CD38: variants seen among roughly 807,000 people sequenced by gnomAD.
The protein encoded by CD38 is CD38 molecule.
In CD38, 31 loss-of-function variants were observed where a neutral mutation model predicts 36.3. The ratio of observed to expected loss-of-function variants is 0.85; its 90% CI spans 0.64 to 1.15. The LOEUF is 1.15. Among genes scored for constraint, CD38 ranks in the 50% most tolerant of loss-of-function variants. The pLI, the probability that CD38 is intolerant of heterozygous loss-of-function variation, is 0.00. For missense variants in CD38, 380 were observed against 371.9 expected (o/e 1.02, Z -0.18); for synonymous variants, 131 against 135.2 (o/e 0.97, Z 0.22).
At chr4:15,816,849 G>A in intron 2 of CD38, 1 of 547,930 alleles carries the variant, frequency 1.8e-6, no homozygotes. Flanking sequence ...CTAAGAGAGA[G>A]AAATAGGGAT....
chr4:15,786,859 A>G (rs1253593876), intron 1 of CD38, among the ~76,000 whole-genome samples: 1 of 152,184 alleles, frequency 6.6e-6, no homozygotes, highest in African/African-American at 2.4e-5. Context: ...ATGGTGGGCT[A>G]CAGGTCCCAA....
chr4:15,831,286 T>A (rs1212346929), intron 3 of CD38, among the ~76,000 whole-genome samples: 1 of 152,218 alleles, frequency 6.6e-6, no homozygotes, highest in Non-Finnish European at 1.5e-5. Context: ...TCATTTAGTT[T>A]TTCTACTTAA....
chr4:15,840,690 C>T, intron 7 of CD38, 152 bp downstream of exon 7: 1 of 589,436 alleles, frequency 1.7e-6, no homozygotes, highest in Non-Finnish European at 3.0e-6. Context: ...GATCTCTGTC[C>T]CTCCTTCCAA....
intron 3 of CD38, chr4:15,826,066 T>C (rs1723837935): frequency 6.6e-6 from 1 of 152,142 alleles, no homozygotes; most frequent in African/African-American, 2.4e-5. Context: ...TATAGCTTCT[T>C]TGTCCCAGGT....
At chr4:15,797,828 A>T (rs1723133192) in intron 1 of CD38, among the ~76,000 whole-genome samples, 1 of 151,934 alleles carries the variant, frequency 6.6e-6, no homozygotes, top group Non-Finnish European at 1.5e-5. Context: ...TCCCCTTTTC[A>T]TAAGGACCCA....
chr4:15,821,511 A>C lies in CD38; in HGVS notation c.364-3370A>C, dbSNP rs180846802. ...ATAAAATGATAAAGGGGATATCACC[A>C]CAGAAATACAAACAACCATCAGAGA... On this transcript the variant is annotated intron_variant, in intron 2 of 7. Coordinates refer to ENST00000226279, the MANE Select transcript of CD38 (RefSeq NM_001775.4). Among the ~76,000 whole-genome samples, 75 of 152,244 alleles carry C rather than the reference A, an allele frequency of 4.9e-4. 1 individual carries two copies.
At chr4:15,837,223 G>A (rs912589775) in intron 4 of CD38, among the ~76,000 whole-genome samples, 7 of 152,340 alleles carry the variant, frequency 4.6e-5, no homozygotes, top group Admixed American at 2.6e-4. Flanking sequence ...GCACGTGATT[G>A]AAGGCGTCCT....
intron 1 of CD38, among the ~76,000 whole-genome samples, chr4:15,792,445 AGG>A (rs1429386803): frequency 6.0e-5 from 9 of 148,808 alleles, no homozygotes; most frequent in Middle Eastern, 3.4e-3. Flanking sequence ...AATAAAAAAA[AGG>A]AATGAATCAA....
rs771230199 is a variant in CD38 at position 15,834,268 on chromosome 4, C to G, written c.551C>G (p.Pro184Arg). The G allele has an allele frequency of 8.7e-6, 14 of 1,613,102 alleles. No individual in the cohort carries two copies. The South Asian group carries it at 1.5e-4, about 18-fold the overall frequency. ...PDWRKDCSNN[P>R]VSVFWKTVSR... ...TGGAGAAAGGACTGCAGCAACAACCCTGTTTCAGTATTCTGGAAAACGGTT... is the reference window on the plus strand; with the variant it reads ...TGGAGAAAGGACTGCAGCAACAACCGTGTTTCAGTATTCTGGAAAACGGTT... Residue 184 changes from proline (P) to arginine (R), a missense_variant, in exon 4 of 8, where the codon CCT becomes CGT. By Grantham distance (103) the Pro-to-Arg change is moderately radical. Coordinates refer to ENST00000226279, the MANE Select transcript of CD38 (RefSeq NM_001775.4).
chr4:15,848,659 A>C lies in CD38; in HGVS notation c.*57A>C, dbSNP rs1019608887. ...CTCCTTGTGGTTTATGTCATCATAC[A>C]TGACTCAGCATACCTGCTGGTGCAG... On this transcript the variant is annotated 3_prime_UTR_variant, in exon 8 of 8. Coordinates refer to ENST00000226279, the MANE Select transcript of CD38 (RefSeq NM_001775.4). 6.4e-5 allele frequency: 89 copies of C among 1,383,712 alleles called. No homozygotes were observed. The highest frequency in any genetic ancestry group is 9.0e-5 in the Non-Finnish European group (87 of 971,650). The allele number at this position is 1,383,712 out of a possible 1,614,324, so 85.7% of individuals were successfully genotyped here. A position where few individuals can be genotyped will look rare whatever the true frequency, so the allele number is the denominator to read the frequency against.
At chr4:15,817,005 A>G (rs1250328985) in intron 2 of CD38, among the ~76,000 whole-genome samples, 9 of 152,238 alleles carry the variant, frequency 5.9e-5, no homozygotes, top group Non-Finnish European at 1.5e-5. Context: ...TAGTAGTAAT[A>G]ACAGCAATGC....
chr4:15,786,437 T>C (rs1038271612), intron 1 of CD38, among the ~76,000 whole-genome samples: 2 of 152,216 alleles, frequency 1.3e-5, no homozygotes, highest in African/African-American at 4.8e-5. Context: ...TGCTGATTGG[T>C]GTATTTACAA....
intron 1 of CD38, 60 bp from the exon 2 acceptor site, chr4:15,816,451 G>A: frequency 7.2e-7 from 1 of 1,389,078 alleles, no homozygotes; most frequent in Non-Finnish European, 9.8e-7. Flanking sequence ...AAATAATTAT[G>A]CTCCAAAAAT....
intron 1 of CD38, among the ~76,000 whole-genome samples, chr4:15,779,508 C>A (rs867186872): frequency 2.0e-5 from 3 of 152,056 alleles, no homozygotes; most frequent in African/African-American, 4.8e-5. Context: ...GGAAGGCAGG[C>A]AGGGGGAGCT....
In CD38 at chr4:15,824,926, C is replaced by A; in HGVS notation, c.409C>A (p.Gln137Lys). The change falls in exon 3 of 8, where the codon CAG becomes AAG. Residue 137 changes from glutamine (Q) to lysine (K), a missense_variant. Coordinates refer to ENST00000226279, the MANE Select transcript of CD38 (RefSeq NM_001775.4). ...RIKDLAHQFT[Q>K]VQRDMFTLED... ...AAAAGATCTGGCCCATCAGTTCACACAGGTCCAGCGGGACATGTTCACCCT... is the reference window on the plus strand; with the variant it reads ...AAAAGATCTGGCCCATCAGTTCACAAAGGTCCAGCGGGACATGTTCACCCT... 1 of 1,613,686 alleles carries A rather than the reference C, an allele frequency of 6.2e-7. No individual in the cohort carries two copies. Among genetic ancestry groups the A allele is most frequent in the Non-Finnish European group, 8.5e-7 (1 of 1,179,662 alleles).
intron 1 of CD38, among the ~76,000 whole-genome samples, chr4:15,802,553 T>G (rs1001372785): frequency 6.7e-6 from 1 of 149,294 alleles, no homozygotes; most frequent in African/African-American, 2.5e-5. Context: ...TTTATTTTAT[T>G]TCACTTCATT....
At position 15,816,495 on chromosome 4, in the gene CD38, C is replaced by T; in HGVS notation, c.234-16C>T. ...AATCAAATAATTTATGTTTTATTTT[C>T]TGTGTTTTATCTCAGACATGTAGAC... On this transcript the variant is annotated splice_polypyrimidine_tract_variant and intron_variant, in intron 1 of 7. Coordinates refer to ENST00000226279, the MANE Select transcript of CD38 (RefSeq NM_001775.4). 1 of 1,562,044 alleles carries T rather than the reference C, an allele frequency of 6.4e-7. No homozygotes were observed.
At chr4:15,816,360 C>T (rs1723593906) in intron 1 of CD38, 151 bp from the exon 2 acceptor site, 2 of 569,664 alleles carry the variant, frequency 3.5e-6, no homozygotes, top group Non-Finnish European at 6.0e-6. Context: ...TCTTTGTACC[C>T]CTGGTAGACT....
intron 1 of CD38, among the ~76,000 whole-genome samples, chr4:15,784,168 C>T (rs964599396): frequency 6.6e-6 from 1 of 152,178 alleles, no homozygotes. Context: ...CTAGATTCTG[C>T]AGGGATGTAA....
Sources: gnomAD v4.1 joint callset for allele counts (sites outside exome capture counted in the v4.1 genomes callset) on GRCh38, gnomAD v4.1.1 for gene constraint, MANE v1.5 for transcripts, NCBI Gene and HGNC (gene_info 2026-07-23, HGNC 2026-07-21) for gene names.